Variants in NBEA observed in about 807,000 individuals in gnomAD.
NBEA encodes the protein neurobeachin.
A neutral mutation model predicts 343.4 loss-of-function variants in NBEA; 44 were observed. The observed-to-expected ratio is 0.13, with a 90% CI of 0.10 to 0.16. The LOEUF is 0.16. Ranked by LOEUF, NBEA falls within the 10% of genes least tolerant of loss-of-function variation. The probability of loss-of-function intolerance (pLI) is 1.00; values close to 1 mark genes in which losing one functional copy is unlikely to be tolerated. For synonymous variants in NBEA, 1,175 were observed against 1,238.7 expected (o/e 0.95, Z 1.08); for missense variants, 2,555 against 3,631.3 (o/e 0.70, Z 7.62).
chr13:35,500,248 C>T (rs143383810), intron 41 of NBEA, among the ~76,000 whole-genome samples: 5,784 of 152,170 alleles, frequency 0.038, 144 homozygotes, highest in Middle Eastern at 0.13. Flanking sequence ...CCACTCGGAG[C>T]CTGCTTCAAT....
intron 17 of NBEA, among the ~76,000 whole-genome samples, chr13:35,136,288 A>G (rs1249286072): frequency 6.6e-6 from 1 of 152,204 alleles, no homozygotes; most frequent in Non-Finnish European, 1.5e-5. Flanking sequence ...AATTGATTAG[A>G]TATACCTGGT....
intron 1 of NBEA, among the ~76,000 whole-genome samples, chr13:34,996,266 A>G (rs1448956847): frequency 6.6e-6 from 1 of 152,208 alleles, no homozygotes; most frequent in African/African-American, 2.4e-5. Flanking sequence ...TTATATAAAT[A>G]TAAAATTGCA....
intron 11 of NBEA, among the ~76,000 whole-genome samples, chr13:35,104,728 G>C (rs2152649370): frequency 6.6e-6 from 1 of 151,890 alleles, no homozygotes; most frequent in East Asian, 1.9e-4. Context: ...GTATATGAGA[G>C]GCCTTTTTAT....
rs2080584090 is a variant in NBEA, at chr13:35,574,002, A to G, written c.7035+6985A>G. Among the ~76,000 whole-genome samples, 5 of 152,194 alleles carry G rather than the reference A, an allele frequency of 3.3e-5. No homozygotes were observed. The South Asian group carries it at 1.0e-3, about 31-fold the overall frequency. ...TCTACTTAATACCTGGAAAACTTCT[A>G]GAACTAACACATGAAGATTTAAGAT... On this transcript the variant is annotated intron_variant, in intron 45 of 58. Coordinates refer to ENST00000379939, the MANE Select transcript of NBEA (RefSeq NM_001385012.1).
intron 1 of NBEA, among the ~76,000 whole-genome samples, chr13:34,993,865 T>C (rs1051120272): frequency 2.0e-5 from 3 of 152,142 alleles, no homozygotes; most frequent in Admixed American, 2.0e-4. Context: ...TGAAAAGATA[T>C]GTAGAAACAG....
chr13:35,155,711 C>T (rs1394769607), intron 18 of NBEA, 63 bp from the exon 19 acceptor site: 5 of 1,254,532 alleles, frequency 4.0e-6, no homozygotes, highest in Non-Finnish European at 5.8e-6. Context: ...CATTGTATAT[C>T]TATATTTTGC....
chr13:35,522,772 A>C (rs35056029), intron 41 of NBEA, among the ~76,000 whole-genome samples: 25,375 of 151,944 alleles, frequency 0.17, 2,340 homozygotes, highest in East Asian at 0.41. Flanking sequence ...GGAGGGATCT[A>C]GGGTGCACAC....
chr13:35,578,103 A>T (rs1398595076), intron 45 of NBEA, among the ~76,000 whole-genome samples: 2 of 152,230 alleles, frequency 1.3e-5, no homozygotes, highest in Non-Finnish European at 2.9e-5. Context: ...CAATGTCTTA[A>T]AAGTATTGAG....
chr13:35,220,674 A>G (rs1566478038), intron 33 of NBEA, among the ~76,000 whole-genome samples: 1 of 152,038 alleles, frequency 6.6e-6, no homozygotes, highest in Non-Finnish European at 1.5e-5. Context: ...GATAAGTTTT[A>G]CTATGATGTT....
At chr13:35,584,976 CA>C (rs113958346) in intron 46 of NBEA, among the ~76,000 whole-genome samples, 19,910 of 151,614 alleles carry the variant, frequency 0.13, 1,431 homozygotes, top group East Asian at 0.27. Context: ...TCCTTTCTCA[CA>C]AATGAGGCAC....
At chr13:35,480,383 A>G (rs1048655918) in intron 41 of NBEA, among the ~76,000 whole-genome samples, 1 of 152,112 alleles carries the variant, frequency 6.6e-6, no homozygotes. Flanking sequence ...TTTGAATTGC[A>G]TGTTCACAAA....
intron 41 of NBEA, among the ~76,000 whole-genome samples, chr13:35,508,476 G>T (rs920716832): frequency 1.2e-3 from 187 of 152,300 alleles, no homozygotes; most frequent in Non-Finnish European, 1.5e-3. Flanking sequence ...ACAATGCTGA[G>T]TTTTAATGGC....
intron 58 of NBEA, among the ~76,000 whole-genome samples, chr13:35,670,482 A>G (rs1384126291): frequency 6.6e-6 from 1 of 152,152 alleles, no homozygotes; most frequent in African/African-American, 2.4e-5. Flanking sequence ...GACCGAGAGG[A>G]CAAGAGGTGG....
In NBEA at chr13:35,352,210, C is replaced by T. The variant is rs1453913000; in HGVS notation, c.6066C>T (p.Asp2022=). Residue 2022 remains aspartate, a synonymous_variant, in exon 38 of 59, where the codon GAC becomes GAT. Transcript: ENST00000379939. The part of the protein sequence containing the change: ...ADRREEEKMC[D]HLISAAKHRD... ...GAAGAGAGGAAGAAAAGATGTGTGACCATCTTATCAGTGCTGCTAAACATC... is the reference window on the plus strand; with the variant it reads ...GAAGAGAGGAAGAAAAGATGTGTGATCATCTTATCAGTGCTGCTAAACATC... 2 of 1,543,768 alleles carry T rather than the reference C, an allele frequency of 1.3e-6. No individual in the cohort carries two copies. The highest frequency in any genetic ancestry group is 1.8e-6 in the Non-Finnish European group (2 of 1,140,000).
chr13:35,414,691 A>G (rs937890316), intron 38 of NBEA, among the ~76,000 whole-genome samples: 1 of 152,180 alleles, frequency 6.6e-6, no homozygotes, highest in African/African-American at 2.4e-5. Flanking sequence ...CAATAAACAT[A>G]CGTGTGCATG....
chr13:34,989,850 G>A (rs2060688265), intron 1 of NBEA, among the ~76,000 whole-genome samples: 3 of 150,976 alleles, frequency 2.0e-5, no homozygotes, highest in Non-Finnish European at 4.4e-5. Flanking sequence ...TTACCTCCAA[G>A]ATACAATGGG....
intron 1 of NBEA, among the ~76,000 whole-genome samples, chr13:34,969,199 T>C (rs1388833239): frequency 6.6e-6 from 1 of 152,050 alleles, no homozygotes; most frequent in Non-Finnish European, 1.5e-5. Context: ...TCTGACTTAA[T>C]GGGCCTGTGA....
chr13:34,955,922 A>G (rs1176980911), intron 1 of NBEA, among the ~76,000 whole-genome samples: 1 of 152,192 alleles, frequency 6.6e-6, no homozygotes, highest in Non-Finnish European at 1.5e-5. Context: ...ATTCAGAATA[A>G]TATTTAATGA....
At position 34,979,890 on chromosome 13, in the gene NBEA, T is replaced by A. The variant is rs143748667; in HGVS notation, c.294+36776T>A. ...TCTATATGAAATTAATTTTTGTGTC[T>A]GGTGAGATAAGGGTTCAGATTTCTT... On this transcript the variant is annotated intron_variant, in intron 1 of 58. Coordinates refer to ENST00000379939, the MANE Select transcript of NBEA (RefSeq NM_001385012.1). Among the ~76,000 whole-genome samples, 393 of 152,326 alleles carry A rather than the reference T, an allele frequency of 2.6e-3. 1 individual carries two copies. Among genetic ancestry groups the A allele is most frequent in the South Asian group, 5.4e-3 (26 of 4,826 alleles).
Sources: allele counts gnomAD v4.1 joint callset (sites outside exome capture counted in the v4.1 genomes callset), GRCh38; gene constraint gnomAD v4.1.1; transcripts MANE v1.5; gene names NCBI Gene and HGNC (gene_info 2026-07-23, HGNC 2026-07-21).